Variants in NOX4 observed in about 807,000 individuals in gnomAD.
NOX4 encodes kidney oxidase-1.
A neutral mutation model predicts 87.6 loss-of-function variants in NOX4; 69 were observed. The observed-to-expected ratio is 0.79, with a 90% CI of 0.65 to 0.96. The LOEUF is 0.96. NOX4 is among the 40% of genes least tolerant of loss of function. The probability of loss-of-function intolerance (pLI) is 0.00; values close to 1 mark genes in which losing one functional copy is unlikely to be tolerated. For missense variants in NOX4, 680 were observed against 681.5 expected, an observed-to-expected ratio of 1.00 and a Z score of 0.02; for synonymous variants, 275 against 238.2, an observed-to-expected ratio of 1.15 and a Z score of -1.42.
chr11:89,361,762 G>A (rs1203823013), intron 12 of NOX4, among the ~76,000 whole-genome samples: 1 of 152,088 alleles, frequency 6.6e-6, no homozygotes, highest in African/African-American at 2.4e-5. Context: ...ATATTCACAT[G>A]AGATTTTATT....
At chr11:89,345,526 C>G (rs1389005949) in intron 13 of NOX4, among the ~76,000 whole-genome samples, 1 of 152,150 alleles carries the variant, frequency 6.6e-6, no homozygotes, top group East Asian at 1.9e-4. Context: ...CAATACTGTA[C>G]TCTACAGTGT....
At chr11:89,520,256 T>A in the NOX4 span, among the ~76,000 whole-genome samples, 1 of 152,078 alleles carries the variant, frequency 6.6e-6, no homozygotes. Flanking sequence ...TATGTAAAGA[T>A]GTATAATGTC....
chr11:89,503,509 T>G, the NOX4 span, among the ~76,000 whole-genome samples: 1 of 151,918 alleles, frequency 6.6e-6, no homozygotes, highest in Non-Finnish European at 1.5e-5. Flanking sequence ...TCATTAATAC[T>G]GGACATGCTG....
chr11:89,419,406 A>G (rs912552859), intron 8 of NOX4, among the ~76,000 whole-genome samples: 22 of 152,022 alleles, frequency 1.4e-4, no homozygotes, highest in African/African-American at 5.3e-4. Context: ...TTATAAGCCA[A>G]TCCTTCATCA....
At chr11:89,504,064 G>T in the NOX4 span, among the ~76,000 whole-genome samples, 7 of 151,590 alleles carry the variant, frequency 4.6e-5, no homozygotes, top group Admixed American at 4.6e-4. Flanking sequence ...TCGTAGTCTT[G>T]AGTGCTATGG....
At chr11:89,441,668 C>A (rs1944460302) in intron 5 of NOX4, among the ~76,000 whole-genome samples, 1 of 151,892 alleles carries the variant, frequency 6.6e-6, no homozygotes, top group Non-Finnish European at 1.5e-5. Context: ...ATGGGCTGAA[C>A]AAAGTGGTAA....
the NOX4 span, among the ~76,000 whole-genome samples, chr11:89,532,694 G>T: frequency 6.6e-6 from 1 of 152,052 alleles, no homozygotes; most frequent in Non-Finnish European, 1.5e-5. Flanking sequence ...TTTGGGAGGG[G>T]CCAGGGGCAG....
chr11:89,523,362 T>G, the NOX4 span, among the ~76,000 whole-genome samples: 1 of 152,090 alleles, frequency 6.6e-6, no homozygotes, highest in Non-Finnish European at 1.5e-5. Flanking sequence ...ACTGATAACT[T>G]CAAGGAAGGG....
intron 17 of NOX4, among the ~76,000 whole-genome samples, chr11:89,335,298 C>A (rs1327369263): frequency 6.6e-6 from 1 of 151,586 alleles, no homozygotes; most frequent in African/African-American, 2.4e-5. Context: ...ATCATAGACA[C>A]GTAGTCCATA....
chr11:89,386,229 C>T (rs189611155), intron 11 of NOX4, among the ~76,000 whole-genome samples: 1 of 152,236 alleles, frequency 6.6e-6, no homozygotes, highest in Non-Finnish European at 1.5e-5. Flanking sequence ...TAGACACCAG[C>T]CCAACTTGAA....
chr11:89,470,892 C>T (rs1294965659), intron 2 of NOX4, among the ~76,000 whole-genome samples: 1 of 152,158 alleles, frequency 6.6e-6, no homozygotes, highest in Non-Finnish European at 1.5e-5. Context: ...TCAGTTGACA[C>T]TACAGATCCA....
At chr11:89,457,304 C>A (rs751855534) in intron 2 of NOX4, among the ~76,000 whole-genome samples, 3 of 152,202 alleles carry the variant, frequency 2.0e-5, no homozygotes, top group Non-Finnish European at 4.4e-5. Flanking sequence ...ACCAACAGCA[C>A]AAATGTGTAC....
chr11:89,405,080 T>TTGTGTGTGTG (rs71472257), intron 8 of NOX4, among the ~76,000 whole-genome samples: 3,688 of 133,260 alleles, frequency 0.028, 173 homozygotes, highest in African/African-American at 0.096. Flanking sequence ...AAAAGTCAGA[T>TTGTGTGTGTG]TGTGTGTGTG....
chr11:89,501,900 C>T (rs920953547), upstream of NOX4, among the ~76,000 whole-genome samples: 21 of 152,040 alleles, frequency 1.4e-4, no homozygotes, highest in African/African-American at 5.1e-4. Context: ...GGGTGCTTTT[C>T]AGTTTTTATG....
At chr11:89,396,536 G>C (rs995056343) in intron 11 of NOX4, among the ~76,000 whole-genome samples, 3 of 152,020 alleles carry the variant, frequency 2.0e-5, no homozygotes, top group Non-Finnish European at 4.4e-5. Context: ...ATTGGATAAA[G>C]AGTCAAGACC....
intron 3 of NOX4, among the ~76,000 whole-genome samples, chr11:89,451,292 C>G (rs189157527): frequency 1.4e-3 from 213 of 152,276 alleles, no homozygotes; most frequent in African/African-American, 4.9e-3. Context: ...TTGTTGCCAA[C>G]ACCAGCAATC....
At chr11:89,522,040 G>T in the NOX4 span, among the ~76,000 whole-genome samples, 1 of 152,132 alleles carries the variant, frequency 6.6e-6, no homozygotes, top group African/African-American at 2.4e-5. Flanking sequence ...TGCTGGCAAG[G>T]CTGTCAAGAA....
chr11:89,367,136 C>T (rs1164593657), intron 12 of NOX4, among the ~76,000 whole-genome samples: 4 of 152,086 alleles, frequency 2.6e-5, no homozygotes, highest in Non-Finnish European at 4.4e-5. Flanking sequence ...ATGATTTCCA[C>T]ATAGACTCAC....
chr11:89,475,481 C>G (rs995180862), intron 2 of NOX4, among the ~76,000 whole-genome samples: 1 of 151,884 alleles, frequency 6.6e-6, no homozygotes, highest in African/African-American at 2.4e-5. Flanking sequence ...TATGTTCATA[C>G]TGGAAAATGC....
Sources: allele counts gnomAD v4.1 joint callset (sites outside exome capture counted in the v4.1 genomes callset), GRCh38; gene constraint gnomAD v4.1.1; transcripts MANE v1.5; gene names NCBI Gene and HGNC (gene_info 2026-07-23, HGNC 2026-07-21).